Variants in NHS observed in about 807,000 individuals in gnomAD.
The protein encoded by NHS is actin remodeling regulator NHS.
A neutral mutation model predicts 72.5 loss-of-function variants in NHS; 5 were observed. The observed-to-expected ratio is 0.07, with a 90% confidence interval of 0.04 to 0.14. NHS has a LOEUF of 0.14. NHS is among the 10% of genes least tolerant of loss of function. The pLI is 1.00. For synonymous variants in NHS, 464 were observed against 547.7 expected, an observed-to-expected ratio of 0.85 and a Z score of 2.13; for missense variants, 1,072 against 1,355.7, an observed-to-expected ratio of 0.79 and a Z score of 3.29.
intron 2 of NHS, 131 bp from the exon 3 acceptor site, chrX:17,692,204 T>C: frequency 1.2e-6 from 1 of 806,025 alleles, no homozygotes; most frequent in South Asian, 2.3e-5. Flanking sequence ...TTATTTGGTA[T>C]TCAAATTAGC....
chrX:17,660,798 C>A (rs1191626729), intron 1 of NHS, among the ~76,000 whole-genome samples: 1 of 112,025 alleles, frequency 8.9e-6, no homozygotes, highest in Non-Finnish European at 1.9e-5. Flanking sequence ...ACAGGCCCAG[C>A]CCAAACCTCA....
chrX:17,387,141 C>CA (rs1186933435), intron 1 of NHS, among the ~76,000 whole-genome samples: 3 of 112,137 alleles, frequency 2.7e-5, no homozygotes, highest in African/African-American at 9.7e-5. Flanking sequence ...ATCATTGTTG[C>CA]AGCAGCCACA....
intron 1 of NHS, among the ~76,000 whole-genome samples, chrX:17,438,320 G>T (rs1378474584): frequency 8.9e-6 from 1 of 112,383 alleles, no homozygotes; most frequent in African/African-American, 3.2e-5. Context: ...TGGCCCCACG[G>T]CCAGTTAGCT....
chrX:17,605,877 C>T (rs1021679045), intron 1 of NHS, among the ~76,000 whole-genome samples: 8 of 112,017 alleles, frequency 7.1e-5, no homozygotes, highest in South Asian at 7.5e-4. Context: ...GCCCTGGAAA[C>T]GTGGTGAAGG....
intron 1 of NHS, among the ~76,000 whole-genome samples, chrX:17,452,497 T>TG (rs2064809688): frequency 9.2e-6 from 1 of 108,956 alleles, no homozygotes; most frequent in African/African-American, 3.4e-5. Context: ...CTGTGTTTTT[T>TG]TTTTTTGTTT....
intron 1 of NHS, among the ~76,000 whole-genome samples, chrX:17,510,550 C>T (rs1280775645): frequency 8.9e-6 from 1 of 112,227 alleles, no homozygotes; most frequent in Non-Finnish European, 1.9e-5. Flanking sequence ...TACCCATGCC[C>T]AAGGTTAGCA....
Position 17,580,837 on chromosome X carries a change from C to T in NHS, c.566-106905C>T, listed in dbSNP as rs962820300. 5.3e-5 allele frequency among the ~76,000 whole-genome samples: 6 copies of T among 112,412 alleles called. No individual in the cohort carries two copies. In the Admixed American group the frequency reaches 5.6e-4, roughly 11 times the overall value. On this transcript the variant is annotated intron_variant, in intron 1 of 8. Transcript: ENST00000676302. ...TAACTAGAGCTTGGCTAGCAGTATA[C>T]ATGAAGAAGTAAATGTTCAATGAAT...
chrX:17,590,235 C>T (rs4825360), intron 1 of NHS, among the ~76,000 whole-genome samples: 2,853 of 111,402 alleles, frequency 0.026, 81 homozygotes, highest in Admixed American at 0.077. Context: ...TGAAAATGTT[C>T]GAACCCTTTG....
At chrX:17,412,760 C>T (rs748363199) in intron 1 of NHS, among the ~76,000 whole-genome samples, 10 of 112,700 alleles carry the variant, frequency 8.9e-5, no homozygotes, top group African/African-American at 3.2e-4. Context: ...ACAATGTTTG[C>T]ATGCTGACTG....
intron 1 of NHS, among the ~76,000 whole-genome samples, chrX:17,670,513 C>A (rs1159014470): frequency 1.8e-5 from 2 of 112,828 alleles, no homozygotes; most frequent in Non-Finnish European, 3.7e-5. Context: ...ATTGAATTCA[C>A]TGGCAACTTT....
In NHS at chrX:17,706,998, T is replaced by C. The variant is rs747232197; in HGVS notation, c.853-12346T>C. Among the ~76,000 whole-genome samples the C allele has an allele frequency of 1.4e-3, 154 of 112,146 alleles. 3 individuals are homozygous for C. The highest frequency in any genetic ancestry group is 1.0e-3 in the Admixed American group (11 of 10,595). On this transcript the variant is annotated intron_variant, in intron 3 of 8. Coordinates refer to ENST00000676302, the MANE Select transcript of NHS (RefSeq NM_001291867.2). ...CTACTCACCAGGGTTAGCACTTGAG[T>C]TGAAACATCTCCTTTTTCTGCTTTC...
chrX:17,701,619 G>A (rs776363458), intron 3 of NHS, among the ~76,000 whole-genome samples: 1 of 111,739 alleles, frequency 8.9e-6, no homozygotes, highest in Admixed American at 9.5e-5. Context: ...GTGAGTTACT[G>A]GGAAGGACTG....
chrX:17,593,747 A>G (rs1218315769), intron 1 of NHS, among the ~76,000 whole-genome samples: 2 of 110,878 alleles, frequency 1.8e-5, no homozygotes, highest in East Asian at 5.6e-4. Context: ...AACTTCTTAC[A>G]TGTCTATGTC....
chrX:17,716,785 A>G (rs146692627), intron 3 of NHS, among the ~76,000 whole-genome samples: 1,787 of 111,060 alleles, frequency 0.016, 42 homozygotes, highest in African/African-American at 0.055. Context: ...ACAAAAACGC[A>G]TGTCTGCCAT....
At chrX:17,431,304 G>A (rs1005262119) in intron 1 of NHS, among the ~76,000 whole-genome samples, 6 of 111,486 alleles carry the variant, frequency 5.4e-5, no homozygotes, top group Non-Finnish European at 1.1e-4. Context: ...GGATTCCTAC[G>A]AAATATGACC....
At chrX:17,561,572 G>GCACACACACACA (rs1304131940) in intron 1 of NHS, among the ~76,000 whole-genome samples, 36 of 60,242 alleles carry the variant, frequency 6.0e-4, no homozygotes, top group African/African-American at 2.2e-3. Flanking sequence ...GCGCGCGCGC[G>GCACACACACACA]CGCACACACA....
At chrX:17,635,814 G>T (rs1012538814) in intron 1 of NHS, among the ~76,000 whole-genome samples, 2 of 112,254 alleles carry the variant, frequency 1.8e-5, no homozygotes, top group Non-Finnish European at 3.8e-5. Context: ...AGGGTCAGTG[G>T]CTCCTAAGCT....
At chrX:17,696,234 A>T (rs2066229368) in intron 3 of NHS, among the ~76,000 whole-genome samples, 1 of 112,014 alleles carries the variant, frequency 8.9e-6, no homozygotes, top group Non-Finnish European at 1.9e-5. Context: ...TATGAAAGAG[A>T]AATTGCCTGG....
At position 17,563,778 on chromosome X, in the gene NHS, C is replaced by A. The variant is rs1406376189; in HGVS notation, c.566-123964C>A. Among the ~76,000 whole-genome samples, 4 of 93,929 alleles carry A rather than the reference C, an allele frequency of 4.3e-5. No homozygotes were observed. In the Admixed American group the frequency reaches 4.7e-4, roughly 11 times the overall value. 81.6% of individuals were successfully genotyped at this position (93,929 alleles called of 115,157 possible). A position where few individuals can be genotyped will look rare whatever the true frequency, so the allele number is the denominator to read the frequency against. ...GGCTGTGTGTGGTTTCTGTGGGTGG[C>A]AAACGTATGTGATGGAGTGGGTGGA... On this transcript the variant is annotated intron_variant, in intron 1 of 8. Transcript: ENST00000676302.
Sources: allele counts gnomAD v4.1 joint callset (sites outside exome capture counted in the v4.1 genomes callset), GRCh38; gene constraint gnomAD v4.1.1; transcripts MANE v1.5; gene names NCBI Gene and HGNC (gene_info 2026-07-23, HGNC 2026-07-21).